The following SLCO3A1 variants were observed in gnomAD, a reference collection of about 807,000 sequenced individuals.
SLCO3A1 encodes solute carrier organic anion transporter family member 3A1, also known as PGE1 transporter.
SLCO3A1 carries 27 observed loss-of-function variants against 63.1 expected under a neutral mutation model. The observed-to-expected ratio is 0.43, with a 90% CI of 0.32 to 0.59. The LOEUF (loss-of-function observed/expected upper bound fraction) is 0.59. SLCO3A1 is among the 20% of genes least tolerant of loss of function. SLCO3A1 has a pLI of 0.09. For synonymous variants in SLCO3A1, 473 were observed against 409.9 expected (o/e 1.15, Z -1.86); for missense variants, 773 against 945.8 (o/e 0.82, Z 2.40).
intron 9 of SLCO3A1, among the ~76,000 whole-genome samples, chr15:92,156,634 C>G (rs796304198): frequency 2.0e-5 from 3 of 152,350 alleles, no homozygotes; most frequent in African/African-American, 7.2e-5. Flanking sequence ...AGCCCAGATT[C>G]TTTCTTGGCA....
intron 3 of SLCO3A1, among the ~76,000 whole-genome samples, chr15:92,095,270 A>G (rs896879796): frequency 6.6e-6 from 1 of 152,258 alleles, no homozygotes; most frequent in Non-Finnish European, 1.5e-5. Context: ...GGGTAACAAT[A>G]ATTACATCGG....
chr15:92,010,601 A>G (rs889215048), intron 2 of SLCO3A1, among the ~76,000 whole-genome samples: 4 of 152,154 alleles, frequency 2.6e-5, no homozygotes, highest in Admixed American at 2.6e-4. Flanking sequence ...TTACAGTGCC[A>G]TTGTCCTTAC....
intron 2 of SLCO3A1, among the ~76,000 whole-genome samples, chr15:91,989,497 C>T (rs993033215): frequency 6.6e-6 from 1 of 152,156 alleles, no homozygotes; most frequent in African/African-American, 2.4e-5. Context: ...CCAGATCTCT[C>T]AGTCTATAAA....
intron 2 of SLCO3A1, among the ~76,000 whole-genome samples, chr15:92,062,935 G>A (rs2047104745): frequency 6.6e-6 from 1 of 152,234 alleles, no homozygotes; most frequent in African/African-American, 2.4e-5. Flanking sequence ...ACAGCTCTGT[G>A]GACCCAGACC....
chr15:91,930,899 G>A (rs375705638), intron 2 of SLCO3A1, among the ~76,000 whole-genome samples: 53 of 152,356 alleles, frequency 3.5e-4, no homozygotes, highest in African/African-American at 1.2e-3. Flanking sequence ...GAGTCAAGGG[G>A]GTTCTTGCTC....
intron 4 of SLCO3A1, among the ~76,000 whole-genome samples, chr15:92,117,843 A>C (rs2047814426): frequency 6.6e-6 from 1 of 152,228 alleles, no homozygotes; most frequent in Non-Finnish European, 1.5e-5. Flanking sequence ...TTTATGCCCA[A>C]TGAATTCATC....
chr15:91,860,975 CA>C lies in SLCO3A1; in HGVS notation c.180+6888del, dbSNP rs1421705733. On this transcript the variant is annotated intron_variant, in intron 1 of 9. Transcript: ENST00000318445. This position sits in a 1 kb window ranked among gnomAD's most constrained non-coding sequence, Gnocchi z 5.5. Reference sequence around the variant, plus strand: ...TACGGACATACCTTCTGCACAACACCACTCCCGTTCCATCTGTAGTCTTAGA... The same window carrying C: ...TACGGACATACCTTCTGCACAACACCCTCCCGTTCCATCTGTAGTCTTAGA... Among the ~76,000 whole-genome samples the C allele has an allele frequency of 6.6e-6, 1 of 152,192 alleles. No individual in the cohort carries two copies. Among genetic ancestry groups the C allele is most frequent in the East Asian group, 1.9e-4 (1 of 5,198 alleles).
At chr15:91,936,568 T>C (rs1899421416) in intron 2 of SLCO3A1, among the ~76,000 whole-genome samples, 1 of 152,234 alleles carries the variant, frequency 6.6e-6, no homozygotes, top group African/African-American at 2.4e-5. Context: ...TTTGGAACTT[T>C]TTTCCTGATC....
rs760445833 is a variant in SLCO3A1, at chr15:92,006,586, A to G, written c.647-88295A>G. Among the ~76,000 whole-genome samples the G allele has an allele frequency of 4.6e-5, 7 of 152,272 alleles. No individual in the cohort carries two copies. In the South Asian group the frequency reaches 8.3e-4, roughly 18 times the overall value. On this transcript the variant is annotated intron_variant, in intron 2 of 9. Coordinates refer to ENST00000318445, the MANE Select transcript of SLCO3A1 (RefSeq NM_013272.4). The stretch of plus-strand genomic sequence containing the variant: ...CCTGATCCAGCCCTTTCTGTGCCCA[A>G]CACTCCTTGTGTCTTTAAGATGAGC...
chr15:92,127,934 CAG>C (rs577000325), intron 6 of SLCO3A1, among the ~76,000 whole-genome samples: 181 of 152,244 alleles, frequency 1.2e-3, no homozygotes, highest in African/African-American at 4.2e-3. Flanking sequence ...GTGTTCAGGA[CAG>C]GGGGATAAGC....
intron 2 of SLCO3A1, among the ~76,000 whole-genome samples, chr15:92,030,056 G>T (rs1044191962): frequency 6.6e-6 from 1 of 152,148 alleles, no homozygotes; most frequent in Non-Finnish European, 1.5e-5. Flanking sequence ...GTCCCAAAGG[G>T]GATTGGGCAT....
intron 1 of SLCO3A1, among the ~76,000 whole-genome samples, chr15:91,880,640 T>C (rs1897558108): frequency 6.6e-6 from 1 of 151,668 alleles, no homozygotes; most frequent in South Asian, 2.1e-4. Context: ...TTTTTTTTTT[T>C]CCACTAAGCA....
At chr15:91,904,453 C>T (rs1007679164) in intron 1 of SLCO3A1, among the ~76,000 whole-genome samples, 30 of 152,262 alleles carry the variant, frequency 2.0e-4, no homozygotes, top group Non-Finnish European at 3.8e-4. Context: ...TCTGGGCTTC[C>T]GGTTCCTCCT....
rs113918543 is a variant in SLCO3A1, at chr15:92,089,599, G to A, written c.647-5282G>A. ...GGTTCTCAGTGGGTATTTGTTGACC[G>A]AGAGTGGTGGAAAGTCTTTCTAATA... On this transcript the variant is annotated intron_variant, in intron 2 of 9. Coordinates refer to ENST00000318445, the MANE Select transcript of SLCO3A1 (RefSeq NM_013272.4). Among the ~76,000 whole-genome samples, 1,438 of 152,296 alleles carry A rather than the reference G, an allele frequency of 9.4e-3. 14 individuals carry two copies. The highest frequency in any genetic ancestry group is 0.013 in the Non-Finnish European group (890 of 68,020).
At chr15:92,062,468 A>C (rs1303552954) in intron 2 of SLCO3A1, among the ~76,000 whole-genome samples, 1 of 152,180 alleles carries the variant, frequency 6.6e-6, no homozygotes, top group Non-Finnish European at 1.5e-5. Flanking sequence ...AAGGCAATGA[A>C]GAATCAAGCC....
chr15:91,917,825 G>A (rs1019042236), intron 2 of SLCO3A1, among the ~76,000 whole-genome samples: 6 of 152,308 alleles, frequency 3.9e-5, no homozygotes, highest in African/African-American at 1.4e-4. Flanking sequence ...ATGGACTACA[G>A]CATGTAGCCA....
intron 9 of SLCO3A1, among the ~76,000 whole-genome samples, chr15:92,154,377 C>T (rs943009077): frequency 3.3e-5 from 5 of 152,148 alleles, no homozygotes; most frequent in African/African-American, 9.7e-5. Flanking sequence ...TCCAGTGGAA[C>T]GTTCTGTGAT....
intron 2 of SLCO3A1, among the ~76,000 whole-genome samples, chr15:91,976,387 A>AT (rs544197367): frequency 9.5e-4 from 144 of 151,576 alleles, no homozygotes; most frequent in Middle Eastern, 3.4e-3. Flanking sequence ...TAGCTACTTT[A>AT]TTTTTTTTAA....
rs189683733 is a variant in SLCO3A1 at position 91,968,351 on chromosome 15, C to T, written c.646+51893C>T. ...GACTTTCTAGTCTCCTGCGAGCTTT[C>T]TCTCAAGTAGATTCTGCTGAGTTCT... On this transcript the variant is annotated intron_variant, in intron 2 of 9. Transcript: ENST00000318445. This position sits in a 1 kb window ranked among gnomAD's most constrained non-coding sequence, Gnocchi z 4.2. Among the ~76,000 whole-genome samples, 519 of 152,198 alleles carry T rather than the reference C, an allele frequency of 3.4e-3. 3 individuals are homozygous for T. Among genetic ancestry groups the T allele is most frequent in the African/African-American group, 0.012 (504 of 41,536 alleles).
Sources: allele counts gnomAD v4.1 joint callset (sites outside exome capture counted in the v4.1 genomes callset), GRCh38; gene constraint gnomAD v4.1.1; non-coding constraint Gnocchi (gnomAD v3.1); transcripts MANE v1.5; gene names NCBI Gene and HGNC (gene_info 2026-07-23, HGNC 2026-07-21).